The following PLEKHH2 variants were observed in gnomAD, a reference collection of about 807,000 sequenced individuals.
PLEKHH2 encodes the protein pleckstrin homology domain-containing family H member 2.
Under a neutral mutation model 187.9 loss-of-function variants are expected in PLEKHH2, and 129 were observed. That is an observed-to-expected ratio of 0.69 (90% CI 0.59 to 0.79). PLEKHH2 has a LOEUF of 0.79. Among genes scored for constraint, PLEKHH2 ranks in the 30% least tolerant of loss-of-function variants. The pLI, the probability that PLEKHH2 is intolerant of heterozygous loss-of-function variation, is 0.00. For synonymous variants in PLEKHH2, 686 were observed against 605.6 expected, an observed-to-expected ratio of 1.13 and a Z score of -1.95; for missense variants, 2,076 against 1,751.2, an observed-to-expected ratio of 1.19 and a Z score of -3.31.
In PLEKHH2 at chr2:43,697,282, A is replaced by G. The variant is rs1669139829; in HGVS notation, c.614A>G (p.Gln205Arg). ...CFLSRARSPP[Q>R]VVKSEEMSKI... ...TTATCTCGAGCAAGGAGTCCTCCTC[A>G]AGTAGTAAAATCTGAGGAAATGAGC... The change falls in exon 7 of 30, where the codon CAA becomes CGA. Residue 205 changes from glutamine (Q) to arginine (R), a missense_variant. Gln to Arg is a conservative substitution (Grantham distance 43, BLOSUM62 1). Transcript: ENST00000282406. The G allele has an allele frequency of 3.7e-6, 6 of 1,613,842 alleles. No individual in the cohort carries two copies. Among genetic ancestry groups the G allele is most frequent in the Non-Finnish European group, 5.1e-6 (6 of 1,179,834 alleles).
At chr2:43,756,901 G>T (rs538413756) in intron 25 of PLEKHH2, among the ~76,000 whole-genome samples, 8 of 152,018 alleles carry the variant, frequency 5.3e-5, no homozygotes, top group African/African-American at 1.9e-4. Context: ...ATGAGCCTGG[G>T]TGACAGAGTG....
chr2:43,734,228 C>T (rs989453891), intron 19 of PLEKHH2, among the ~76,000 whole-genome samples: 5 of 152,188 alleles, frequency 3.3e-5, no homozygotes, highest in Admixed American at 3.3e-4. Flanking sequence ...TTTCCCACTG[C>T]ACCCTAACTT....
chr2:43,753,864 T>A, intron 25 of PLEKHH2, 104 bp downstream of exon 25: 1 of 1,058,624 alleles, frequency 9.4e-7, no homozygotes, highest in Non-Finnish European at 1.3e-6. Flanking sequence ...TTTACATTCG[T>A]TTTGCTACAA....
At chr2:43,673,245 C>A (rs1465503280) in intron 2 of PLEKHH2, among the ~76,000 whole-genome samples, 3 of 152,122 alleles carry the variant, frequency 2.0e-5, no homozygotes. Context: ...CCAAATATAT[C>A]ATTTCCTCCA....
intron 15 of PLEKHH2, among the ~76,000 whole-genome samples, chr2:43,715,480 T>C (rs1212834643): frequency 6.6e-6 from 1 of 151,988 alleles, no homozygotes; most frequent in African/African-American, 2.4e-5. Context: ...TGCTAACAGA[T>C]TACTCTGCTA....
At chr2:43,744,564 A>G (rs116836254) in intron 23 of PLEKHH2, among the ~76,000 whole-genome samples, 287 of 152,312 alleles carry the variant, frequency 1.9e-3, no homozygotes, top group Admixed American at 3.1e-3. Flanking sequence ...GAAATGAAAA[A>G]TGGTTTAGGA....
chr2:43,741,387 C>G (rs1014913772), intron 21 of PLEKHH2: 3 of 158,576 alleles, frequency 1.9e-5, no homozygotes, highest in African/African-American at 7.2e-5. Flanking sequence ...TACTATTTCT[C>G]TGCACATTGA....
At chr2:43,666,966 T>G (rs183201659) in intron 2 of PLEKHH2, among the ~76,000 whole-genome samples, 53 of 152,324 alleles carry the variant, frequency 3.5e-4, no homozygotes, top group African/African-American at 1.0e-3. Context: ...AAGTAATGGC[T>G]TAGTATCTCA....
chr2:43,735,947 A>G (rs771782263), intron 19 of PLEKHH2, among the ~76,000 whole-genome samples: 1 of 152,314 alleles, frequency 6.6e-6, no homozygotes, highest in Non-Finnish European at 1.5e-5. Flanking sequence ...AGCAAGCATC[A>G]TGCTTTATGG....
chr2:43,750,950 T>A (rs1029663089), intron 24 of PLEKHH2, among the ~76,000 whole-genome samples: 7 of 152,188 alleles, frequency 4.6e-5, no homozygotes, highest in Admixed American at 4.6e-4. Flanking sequence ...AGGAAGAATG[T>A]AGCACAGGAG....
chr2:43,756,311 T>G (rs1465033961), intron 25 of PLEKHH2, among the ~76,000 whole-genome samples: 9 of 152,120 alleles, frequency 5.9e-5, no homozygotes, highest in Admixed American at 5.2e-4. Flanking sequence ...AACTTTTTTT[T>G]TTGAGATGGA....
At position 43,710,793 on chromosome 2, in the gene PLEKHH2, C is replaced by A. The variant is rs1669927648; in HGVS notation, c.2301+218C>A. On this transcript the variant is annotated intron_variant, in intron 14 of 29. Transcript: ENST00000282406. ...GTTGAGTAACTCCCACCACACTTTA[C>A]CTTTCTTCCTTTATACTCTTCTTTC... 3 of 1,329,224 alleles carry A rather than the reference C, an allele frequency of 2.3e-6. No individual in the cohort carries two copies. The South Asian group carries it at 5.8e-5, about 26-fold the overall frequency. 82.3% of individuals were successfully genotyped at this position (1,329,224 alleles called of 1,614,324 possible).
chr2:43,647,642 C>T (rs1479443609), intron 2 of PLEKHH2, among the ~76,000 whole-genome samples: 1 of 152,074 alleles, frequency 6.6e-6, no homozygotes, highest in Non-Finnish European at 1.5e-5. Context: ...TTCTAAGTGC[C>T]AACTCGAGTC....
chr2:43,674,729 A>C (rs898531978), intron 2 of PLEKHH2, among the ~76,000 whole-genome samples: 1 of 152,212 alleles, frequency 6.6e-6, no homozygotes, highest in African/African-American at 2.4e-5. Flanking sequence ...TCATGCCTGT[A>C]ATCTCAGCAC....
chr2:43,655,738 A>G (rs1355515566), intron 2 of PLEKHH2, among the ~76,000 whole-genome samples: 1 of 152,202 alleles, frequency 6.6e-6, no homozygotes, highest in Admixed American at 6.5e-5. Context: ...GGGTAGGATG[A>G]TTATTACAAC....
chr2:43,690,056 T>C (rs1329625598), intron 3 of PLEKHH2, among the ~76,000 whole-genome samples: 1 of 152,240 alleles, frequency 6.6e-6, no homozygotes, highest in Non-Finnish European at 1.5e-5. Context: ...TATTACTCTG[T>C]GCCCAGAGGA....
At chr2:43,667,822 T>G (rs1412019783) in intron 2 of PLEKHH2, among the ~76,000 whole-genome samples, 1 of 152,186 alleles carries the variant, frequency 6.6e-6, no homozygotes, top group Non-Finnish European at 1.5e-5. Context: ...AGGTACAGGC[T>G]TTCTGTTTGA....
chr2:43,723,218 A>G (rs575872566), intron 16 of PLEKHH2, among the ~76,000 whole-genome samples: 2 of 152,328 alleles, frequency 1.3e-5, no homozygotes, highest in South Asian at 2.1e-4. Flanking sequence ...CTTGCTTTTT[A>G]GGAGAGGCGA....
rs528486616 is a variant in PLEKHH2 at position 43,766,973 on chromosome 2, T to C, written c.*1375T>C. Reference sequence around the variant, plus strand: ...GGTTAAATTTTAGTTGATAGAGTACTTAAATGCATTACTTTATTAGGTTAT... The same window carrying C: ...GGTTAAATTTTAGTTGATAGAGTACCTAAATGCATTACTTTATTAGGTTAT... On this transcript the variant is annotated 3_prime_UTR_variant, in exon 30 of 30. Coordinates refer to ENST00000282406, the MANE Select transcript of PLEKHH2 (RefSeq NM_172069.4). The C allele has an allele frequency of 1.1e-3, 172 of 152,902 alleles. 1 individual carries two copies. Among genetic ancestry groups the C allele is most frequent in the African/African-American group, 4.0e-3 (165 of 41,570 alleles). 9.5% of individuals were successfully genotyped at this position (152,902 alleles called of 1,614,324 possible).
Sources: gnomAD v4.1 joint callset for allele counts (sites outside exome capture counted in the v4.1 genomes callset) on GRCh38, gnomAD v4.1.1 for gene constraint, MANE v1.5 for transcripts, NCBI Gene and HGNC (gene_info 2026-07-23, HGNC 2026-07-21) for gene names.